Variants in RBFOX1 observed in about 807,000 individuals in gnomAD.
RBFOX1 encodes RNA binding protein fox-1 homolog 1.
Under a neutral mutation model 57.7 loss-of-function variants are expected in RBFOX1, and 8 were observed. That is an observed-to-expected ratio of 0.14 (90% CI 0.08 to 0.25). The LOEUF (loss-of-function observed/expected upper bound fraction) is 0.25, where lower values mean the gene tolerates loss of function less well. Among genes scored for constraint, RBFOX1 ranks in the 10% least tolerant of loss-of-function variants. RBFOX1 has a pLI of 1.00. For missense variants in RBFOX1, 611 were observed against 548.5 expected, an observed-to-expected ratio of 1.11 and a Z score of -1.14; for synonymous variants, 326 against 222.4, an observed-to-expected ratio of 1.47 and a Z score of -4.15.
At chr16:7,370,896 A>C (rs1372038937) in intron 4 of RBFOX1, among the ~76,000 whole-genome samples, 1 of 152,232 alleles carries the variant, frequency 6.6e-6, no homozygotes, top group Non-Finnish European at 1.5e-5. Flanking sequence ...GGTCAAAAAG[A>C]AATGGAGAGA....
At chr16:6,979,827 A>T (rs1279704695) in intron 3 of RBFOX1, among the ~76,000 whole-genome samples, 3 of 152,124 alleles carry the variant, frequency 2.0e-5, no homozygotes, top group African/African-American at 7.2e-5. Context: ...TGCCAGATGC[A>T]CTCAGGCTGG....
intron 2 of RBFOX1, among the ~76,000 whole-genome samples, chr16:5,519,726 G>GA (rs557774356): frequency 7.8e-4 from 119 of 152,234 alleles, no homozygotes; most frequent in African/African-American, 2.7e-3. Flanking sequence ...TGGTGTCTCA[G>GA]AAAAAAATGG....
At position 7,187,018 on chromosome 16, in the gene RBFOX1, A is replaced by AG. The variant is rs1491323734; in HGVS notation, c.27+134920_27+134921insG. ...ACAAAAAAAAAAAAAAAAAAAAAAA[A>AG]TTCAGAAATTAGCTGGACATGGTGA... is the stretch of plus-strand genomic sequence containing the variant. On this transcript the variant is annotated intron_variant, in intron 4 of 15. Coordinates refer to ENST00000550418, the MANE Select transcript of RBFOX1 (RefSeq NM_018723.4). Among the ~76,000 whole-genome samples, 169 of 134,242 alleles carry AG rather than the reference A, an allele frequency of 1.3e-3. 3 individuals carry two copies. Among genetic ancestry groups the AG allele is most frequent in the African/African-American group, 4.8e-3 (165 of 34,692 alleles). 88.1% of individuals were successfully genotyped at this position (134,242 alleles called of 152,430 possible). A position where few individuals can be genotyped will look rare whatever the true frequency, so the allele number is the denominator to read the frequency against.
chr16:5,866,856 A>G (rs1297716722), intron 3 of RBFOX1, among the ~76,000 whole-genome samples: 1 of 152,220 alleles, frequency 6.6e-6, no homozygotes, highest in African/African-American at 2.4e-5. Context: ...TTTTGCAAAC[A>G]TGAAGCTGCT....
At chr16:5,820,310 C>G (rs190015262) in intron 3 of RBFOX1, among the ~76,000 whole-genome samples, 2 of 152,298 alleles carry the variant, frequency 1.3e-5, no homozygotes, top group African/African-American at 4.8e-5. Context: ...GAATAGGGCA[C>G]AGAGACGTTT....
chr16:5,658,690 C>G (rs1277601768), intron 3 of RBFOX1, among the ~76,000 whole-genome samples: 1 of 150,734 alleles, frequency 6.6e-6, no homozygotes, highest in African/African-American at 2.4e-5. Flanking sequence ...TTAATTCATG[C>G]CTTTTCATGG....
chr16:7,356,160 T>A (rs150200069), intron 4 of RBFOX1, among the ~76,000 whole-genome samples: 48 of 152,296 alleles, frequency 3.2e-4, no homozygotes, highest in Non-Finnish European at 5.9e-4. Context: ...ATCACGTAAC[T>A]ATCAGGCATT....
intron 1 of RBFOX1, among the ~76,000 whole-genome samples, chr16:5,247,981 TC>T (rs1410252967): frequency 6.6e-6 from 1 of 152,144 alleles, no homozygotes; most frequent in Non-Finnish European, 1.5e-5. Context: ...AGGGTGCTTT[TC>T]GATTTTTGTA....
intron 4 of RBFOX1, among the ~76,000 whole-genome samples, chr16:7,358,084 G>C (rs1173486730): frequency 6.6e-6 from 1 of 152,154 alleles, no homozygotes; most frequent in East Asian, 1.9e-4. Context: ...GCTGATCTTC[G>C]ATAGGTAATT....
At chr16:5,908,445 C>T (rs929598168) in intron 4 of RBFOX1, among the ~76,000 whole-genome samples, 7 of 151,656 alleles carry the variant, frequency 4.6e-5, no homozygotes, top group African/African-American at 1.2e-4. Flanking sequence ...CTCTGCCTCC[C>T]GGTTTCAGGT....
intron 4 of RBFOX1, among the ~76,000 whole-genome samples, chr16:7,454,675 A>G (rs890687971): frequency 1.3e-5 from 2 of 152,146 alleles, no homozygotes; most frequent in African/African-American, 4.8e-5. Flanking sequence ...ATAGAACTTG[A>G]GAAGGAATAT....
intron 3 of RBFOX1, among the ~76,000 whole-genome samples, chr16:6,862,383 G>C (rs775753049): frequency 6.6e-6 from 1 of 152,120 alleles, no homozygotes; most frequent in African/African-American, 2.4e-5. Flanking sequence ...CCCCAGAGCA[G>C]GTTCAATGAA....
chr16:6,987,606 C>G (rs1441173684), intron 3 of RBFOX1, among the ~76,000 whole-genome samples: 1 of 152,070 alleles, frequency 6.6e-6, no homozygotes, highest in African/African-American at 2.4e-5. Flanking sequence ...CAATCTCATT[C>G]ATAAATGGAA....
intron 3 of RBFOX1, among the ~76,000 whole-genome samples, chr16:6,871,101 C>G (rs778660241): frequency 6.6e-6 from 1 of 152,188 alleles, no homozygotes. Context: ...TTTCTTCTTA[C>G]ATTCTTTAGG....
chr16:6,519,582 T>C (rs2096460148), intron 2 of RBFOX1, among the ~76,000 whole-genome samples: 1 of 152,098 alleles, frequency 6.6e-6, no homozygotes, highest in Admixed American at 6.5e-5. Context: ...ATGCCTGCAA[T>C]TCCAGCTACT....
At chr16:7,424,799 A>G (rs944366645) in intron 4 of RBFOX1, among the ~76,000 whole-genome samples, 1 of 152,212 alleles carries the variant, frequency 6.6e-6, no homozygotes, top group Non-Finnish European at 1.5e-5. Context: ...AAACAATCAC[A>G]TAATCACCTT....
At chr16:6,262,706 T>C (rs900412153) in intron 1 of RBFOX1, among the ~76,000 whole-genome samples, 1 of 151,986 alleles carries the variant, frequency 6.6e-6, no homozygotes, top group Non-Finnish European at 1.5e-5. Context: ...AAAGTTTAGG[T>C]GGGAAGAATA....
intron 1 of RBFOX1, among the ~76,000 whole-genome samples, chr16:6,219,465 G>A (rs760151853): frequency 6.6e-6 from 1 of 152,306 alleles, no homozygotes; most frequent in Non-Finnish European, 1.5e-5. Flanking sequence ...TAGAAAATAT[G>A]TCTCGGTCAA....
intron 4 of RBFOX1, among the ~76,000 whole-genome samples, chr16:7,080,063 A>C (rs1339882622): frequency 7.2e-6 from 1 of 139,294 alleles, no homozygotes; most frequent in Non-Finnish European, 1.5e-5. Flanking sequence ...TACATATTAT[A>C]TATATACATA....
Sources: gnomAD v4.1 joint callset for allele counts (sites outside exome capture counted in the v4.1 genomes callset) on GRCh38, gnomAD v4.1.1 for gene constraint, MANE v1.5 for transcripts, NCBI Gene and HGNC (gene_info 2026-07-23, HGNC 2026-07-21) for gene names.